LRFN2: variants seen among roughly 807,000 people sequenced by gnomAD.
LRFN2 encodes the protein leucine rich repeat and fibronectin type III domain containing 2, also known as leucine-rich repeat and fibronectin type-III domain-containing protein 2.
A neutral mutation model predicts 37.3 loss-of-function variants in LRFN2; 18 were observed. The ratio of observed to expected loss-of-function variants is 0.48; its 90% CI spans 0.33 to 0.72. The LOEUF (loss-of-function observed/expected upper bound fraction) is 0.72. LRFN2 is among the 30% of genes least tolerant of loss of function. LRFN2 has a pLI of 0.02. For synonymous variants in LRFN2, 556 were observed against 466.6 expected (o/e 1.19, Z -2.47); for missense variants, 1,006 against 1,060.7 (o/e 0.95, Z 0.72).
chr6:40,566,022 C>T (rs906593167), intron 1 of LRFN2, among the ~76,000 whole-genome samples: 1 of 152,006 alleles, frequency 6.6e-6, no homozygotes, highest in African/African-American at 2.4e-5. Context: ...CTACAATGAA[C>T]TCAAAAAATT....
At chr6:40,518,887 G>A (rs569376216) in intron 1 of LRFN2, among the ~76,000 whole-genome samples, 7 of 152,276 alleles carry the variant, frequency 4.6e-5, no homozygotes, top group East Asian at 3.9e-4. Context: ...GAAGCAAGTC[G>A]GTGAAGGTGG....
At chr6:40,413,625 T>A (rs1763022487) in intron 2 of LRFN2, among the ~76,000 whole-genome samples, 1 of 152,090 alleles carries the variant, frequency 6.6e-6, no homozygotes, top group Non-Finnish European at 1.5e-5. Flanking sequence ...ATGGCCATCA[T>A]CTTCCCAGCA....
At chr6:40,502,968 T>G (rs1765427276) in intron 1 of LRFN2, among the ~76,000 whole-genome samples, 1 of 152,060 alleles carries the variant, frequency 6.6e-6, no homozygotes, top group African/African-American at 2.4e-5. Flanking sequence ...ATGCCAGCAG[T>G]GAGAGGATAA....
In LRFN2 at chr6:40,391,801, G is replaced by T; in HGVS notation, c.*142C>A. ...GGTGATGTGGGTGTTGCGGGGTAGGGGGGGACACGAGGCCATTGACAGGGA... is the reference window on the plus strand; with the variant it reads ...GGTGATGTGGGTGTTGCGGGGTAGGTGGGGACACGAGGCCATTGACAGGGA... On this transcript the variant is annotated 3_prime_UTR_variant, in exon 3 of 3. Coordinates refer to ENST00000338305, the MANE Select transcript of LRFN2 (RefSeq NM_020737.3). 1.2e-6 allele frequency: 1 copy of T among 816,044 alleles called. No individual in the cohort carries two copies. The highest frequency in any genetic ancestry group is 1.8e-6 in the Non-Finnish European group (1 of 562,394). 50.6% of individuals were successfully genotyped at this position (816,044 alleles called of 1,614,324 possible).
intron 2 of LRFN2, among the ~76,000 whole-genome samples, chr6:40,394,050 A>C (rs1338114039): frequency 6.6e-6 from 1 of 152,186 alleles, no homozygotes; most frequent in Non-Finnish European, 1.5e-5. Context: ...GGCCAGGCTC[A>C]GCCAAGAAAC....
intron 1 of LRFN2, among the ~76,000 whole-genome samples, chr6:40,481,139 G>A (rs1023873206): frequency 6.6e-6 from 1 of 152,092 alleles, no homozygotes; most frequent in Non-Finnish European, 1.5e-5. Context: ...TTTGAAGGAA[G>A]AAAAGCATTT....
At chr6:40,441,984 C>T (rs1347126344) in intron 1 of LRFN2, among the ~76,000 whole-genome samples, 4 of 152,180 alleles carry the variant, frequency 2.6e-5, no homozygotes, top group Admixed American at 2.6e-4. Flanking sequence ...CAGGGCCTTG[C>T]CGGGCCTTTC....
intron 2 of LRFN2, among the ~76,000 whole-genome samples, chr6:40,397,625 C>G (rs1230536626): frequency 6.6e-6 from 1 of 152,144 alleles, no homozygotes; most frequent in Non-Finnish European, 1.5e-5. Context: ...CAAAAACTTG[C>G]CCAGGTAGGA....
At chr6:40,468,852 G>A (rs768426328) in intron 1 of LRFN2, among the ~76,000 whole-genome samples, 6 of 152,080 alleles carry the variant, frequency 3.9e-5, no homozygotes, top group Non-Finnish European at 7.4e-5. Flanking sequence ...TCGGCCCTAT[G>A]TATCCTCCCG....
chr6:40,405,034 A>G (rs762321490), intron 2 of LRFN2, among the ~76,000 whole-genome samples: 36 of 152,078 alleles, frequency 2.4e-4, no homozygotes, highest in Non-Finnish European at 4.3e-4. Flanking sequence ...TGCCTTCCCC[A>G]CAGTCCTCAA....
chr6:40,522,435 G>A (rs1449951803), intron 1 of LRFN2, among the ~76,000 whole-genome samples: 5 of 152,086 alleles, frequency 3.3e-5, no homozygotes, highest in African/African-American at 1.2e-4. Flanking sequence ...AATCTCAAGG[G>A]AAGCTGGAGG....
In LRFN2 at chr6:40,391,949, C is replaced by T; in HGVS notation, c.2364G>A (p.Thr788=). Residue 788 remains threonine (T), a synonymous_variant, in exon 3 of 3, where the codon ACG becomes ACA. Transcript: ENST00000338305. ...GGAGCATGCCCACCCCCACCTAGAC[C>T]GTGCTCTCCATCACCCATTCGGAGC... ...FGSSEWVMES[T]V is the part of the protein sequence containing the mutation. 1 of 1,564,002 alleles carries T rather than the reference C, an allele frequency of 6.4e-7. No individual in the cohort carries two copies. The highest frequency in any genetic ancestry group is 8.7e-7 in the Non-Finnish European group (1 of 1,152,704).
At chr6:40,545,226 T>G (rs1218962178) in intron 1 of LRFN2, among the ~76,000 whole-genome samples, 4 of 152,204 alleles carry the variant, frequency 2.6e-5, no homozygotes, top group Non-Finnish European at 2.9e-5. Flanking sequence ...AGCAAGGAGC[T>G]TAGGCCTCTA....
chr6:40,414,879 T>C (rs1257162259), intron 2 of LRFN2, among the ~76,000 whole-genome samples: 1 of 152,116 alleles, frequency 6.6e-6, no homozygotes, highest in Non-Finnish European at 1.5e-5. Context: ...TTCCGGACAA[T>C]GTGAGGGGAG....
chr6:40,397,506 A>C (rs909141935), intron 2 of LRFN2, among the ~76,000 whole-genome samples: 1 of 152,158 alleles, frequency 6.6e-6, no homozygotes, highest in African/African-American at 2.4e-5. Context: ...TCAAGTACTA[A>C]CTATGGTCTA....
At position 40,432,982 on chromosome 6, in the gene LRFN2, G is replaced by A; in HGVS notation, c.132C>T (p.Leu44=). Residue 44 remains leucine (L), a synonymous_variant, in exon 2 of 3, where the codon CTC becomes CTT. Transcript: ENST00000338305. ...GCCGGTCAATATCAGGGGGTACAAA[G>A]AGCAGCCCCTTGGAGGGGCACAGGG... ...LGTLCPSKGL[L]FVPPDIDRRT... is the part of the protein sequence containing the mutation. The A allele has an allele frequency of 1.9e-6, 3 of 1,612,448 alleles. No individual in the cohort carries two copies. Among genetic ancestry groups the A allele is most frequent in the Non-Finnish European group, 2.5e-6 (3 of 1,178,950 alleles).
Position 40,531,625 on chromosome 6 carries a change from G to A in LRFN2, c.-19+55316C>T, listed in dbSNP as rs1766343244. 2.0e-5 allele frequency among the ~76,000 whole-genome samples: 3 copies of A among 152,128 alleles called. 1 individual carries two copies. The South Asian group carries it at 6.2e-4, about 32-fold the overall frequency. On this transcript the variant is annotated intron_variant, in intron 1 of 2. Coordinates refer to ENST00000338305, the MANE Select transcript of LRFN2 (RefSeq NM_020737.3). ...TGCCCCCTCCCTCCCTCTGCTAGCA[G>A]CATTTGTGGCTGTCTTATCTGTGTG...
chr6:40,391,994 C>G lies in LRFN2; in HGVS notation c.2319G>C (p.Gly773=). 2.5e-6 allele frequency: 4 copies of G among 1,606,714 alleles called. No individual in the cohort carries two copies. The highest frequency in any genetic ancestry group is 3.4e-6 in the Non-Finnish European group (4 of 1,176,284). ...LLPFEESDLV[G]ARGTFGSSEW... ...CGGAGCTGCCAAAAGTCCCCCGGGC[C>G]CCCACCAGGTCACTCTCCTCAAAGG... The change falls in exon 3 of 3, where the codon GGG becomes GGC. Residue 773 remains glycine (G), a synonymous_variant. Transcript: ENST00000338305.
intron 1 of LRFN2, among the ~76,000 whole-genome samples, chr6:40,519,212 G>C (rs1212157987): frequency 3.3e-5 from 5 of 152,192 alleles, no homozygotes; most frequent in Non-Finnish European, 7.4e-5. Context: ...AATACAATAT[G>C]TGCTGAGGGA....
Sources: allele counts gnomAD v4.1 joint callset (sites outside exome capture counted in the v4.1 genomes callset), GRCh38; gene constraint gnomAD v4.1.1; transcripts MANE v1.5; gene names NCBI Gene and HGNC (gene_info 2026-07-23, HGNC 2026-07-21).